The following INPP4B variants were observed in gnomAD, a reference collection of about 807,000 sequenced individuals.
The protein encoded by INPP4B is inositol polyphosphate-4-phosphatase type II B.
In INPP4B, 55 loss-of-function variants were observed where a neutral mutation model predicts 122.5. The observed-to-expected ratio is 0.45, with a 90% CI of 0.36 to 0.56. The LOEUF is 0.56. Among genes scored for constraint, INPP4B ranks in the 20% least tolerant of loss-of-function variants. The pLI, the probability that INPP4B is intolerant of heterozygous loss-of-function variation, is 0.00. For missense variants in INPP4B, 1,000 were observed against 1,097.7 expected (o/e 0.91, Z 1.26); for synonymous variants, 403 against 388.7 (o/e 1.04, Z -0.43).
chr4:142,160,741 T>C (rs999100103), intron 16 of INPP4B, among the ~76,000 whole-genome samples, 180 bp from the exon 17 acceptor site: 2 of 152,048 alleles, frequency 1.3e-5, no homozygotes, highest in African/African-American at 4.8e-5. Context: ...TCTGGGATGC[T>C]GCCAAGGCCT....
chr4:142,480,726 T>C (rs552049118), intron 2 of INPP4B, among the ~76,000 whole-genome samples: 3 of 152,112 alleles, frequency 2.0e-5, no homozygotes, highest in African/African-American at 7.2e-5. Flanking sequence ...TTTAGTAAAA[T>C]TGGCATCTAA....
chr4:142,097,405 C>T (rs966668791), intron 23 of INPP4B, among the ~76,000 whole-genome samples: 4 of 151,634 alleles, frequency 2.6e-5, no homozygotes, highest in Non-Finnish European at 4.4e-5. Flanking sequence ...GAGGTGCCTG[C>T]AACCATGCCT....
chr4:142,763,819 T>C, intron 1 of INPP4B, among the ~76,000 whole-genome samples: 1 of 152,054 alleles, frequency 6.6e-6, no homozygotes, highest in East Asian at 1.9e-4. Context: ...AAATTTTGCT[T>C]TGTAAAAATT....
intron 7 of INPP4B, among the ~76,000 whole-genome samples, chr4:142,398,201 C>T (rs1338838491): frequency 6.6e-6 from 1 of 150,722 alleles, no homozygotes; most frequent in African/African-American, 2.4e-5. Context: ...CGGTGAAACC[C>T]CGTCTCTACT....
intron 12 of INPP4B, among the ~76,000 whole-genome samples, chr4:142,214,753 G>A (rs570266697): frequency 9.9e-5 from 15 of 152,186 alleles, no homozygotes; most frequent in African/African-American, 3.1e-4. Flanking sequence ...GGGTTTCACC[G>A]TGTTAGTCAG....
At chr4:142,699,080 G>C (rs1248148876) in intron 2 of INPP4B, among the ~76,000 whole-genome samples, 1 of 152,170 alleles carries the variant, frequency 6.6e-6, no homozygotes, top group Admixed American at 6.5e-5. Flanking sequence ...GGTGGTGCAT[G>C]GGTGGGGTGG....
At chr4:142,527,320 A>C (rs984791971) in intron 2 of INPP4B, among the ~76,000 whole-genome samples, 1 of 152,078 alleles carries the variant, frequency 6.6e-6, no homozygotes, top group South Asian at 2.1e-4. Flanking sequence ...TTTTTATAGA[A>C]TTTATACAAA....
chr4:142,272,203 T>A (rs1210194984), intron 9 of INPP4B, among the ~76,000 whole-genome samples: 3 of 152,236 alleles, frequency 2.0e-5, no homozygotes, highest in East Asian at 3.9e-4. Flanking sequence ...ATTAAAAGTG[T>A]CAGAAAGCAG....
At chr4:142,828,249 G>A (rs1448160938) in intron 1 of INPP4B, among the ~76,000 whole-genome samples, 2 of 152,144 alleles carry the variant, frequency 1.3e-5, no homozygotes, top group Non-Finnish European at 2.9e-5. Flanking sequence ...CCAGGTATAT[G>A]AGAATAGATA....
chr4:142,043,864 C>T (rs1256574903), intron 25 of INPP4B, among the ~76,000 whole-genome samples: 2 of 151,960 alleles, frequency 1.3e-5, no homozygotes, highest in African/African-American at 4.8e-5. Context: ...TAGGATGGCA[C>T]CTAGCATGAA....
intron 1 of INPP4B, among the ~76,000 whole-genome samples, chr4:142,811,329 G>A (rs947455182): frequency 6.6e-6 from 1 of 152,204 alleles, no homozygotes; most frequent in Non-Finnish European, 1.5e-5. Context: ...ACAGAGGAGA[G>A]GGCCAAGTCA....
chr4:142,447,924 T>TC (rs1813260492), intron 3 of INPP4B, among the ~76,000 whole-genome samples: 1 of 151,696 alleles, frequency 6.6e-6, no homozygotes, highest in Admixed American at 6.6e-5. Flanking sequence ...AAGAAAACAT[T>TC]CCCCAAAGAA....
chr4:142,282,841 T>C (rs540376192), intron 9 of INPP4B, among the ~76,000 whole-genome samples: 36 of 152,194 alleles, frequency 2.4e-4, no homozygotes, highest in African/African-American at 7.9e-4. Flanking sequence ...GGGTGTTATG[T>C]AGAGCAGCTG....
chr4:142,791,896 C>T (rs967677380), intron 1 of INPP4B, among the ~76,000 whole-genome samples: 1 of 152,036 alleles, frequency 6.6e-6, no homozygotes, highest in Non-Finnish European at 1.5e-5. Flanking sequence ...TATTGCATTG[C>T]ACTGCTCACA....
chr4:142,376,931 T>G (rs1579891912), intron 7 of INPP4B, among the ~76,000 whole-genome samples: 1 of 152,058 alleles, frequency 6.6e-6, no homozygotes, highest in East Asian at 1.9e-4. Flanking sequence ...AATCATTTAT[T>G]TGTTCTCTAT....
In INPP4B at chr4:142,027,709, A is replaced by ATGAT. The variant is rs965832675; in HGVS notation, c.*1069_*1072dup. 2.6e-5 allele frequency: 4 copies of ATGAT among 152,706 alleles called. No homozygotes were observed. Among genetic ancestry groups the ATGAT allele is most frequent in the African/African-American group, 9.6e-5 (4 of 41,580 alleles). The allele number at this position is 152,706 out of a possible 1,614,324, so 9.5% of individuals were successfully genotyped here. Reference sequence around the variant, plus strand: ...TGTTTGAATACTGGTATTATACAAGATGATTTTTTTAAGGAAACTTCTACT... The same window carrying ATGAT: ...TGTTTGAATACTGGTATTATACAAGATGATTGATTTTTTTAAGGAAACTTCTACT... On this transcript the variant is annotated 3_prime_UTR_variant, in exon 26 of 26. Transcript: ENST00000262992.
chr4:142,707,522 C>T (rs28647363), intron 2 of INPP4B, among the ~76,000 whole-genome samples: 10,599 of 152,138 alleles, frequency 0.07, 578 homozygotes, highest in African/African-American at 0.15. Flanking sequence ...TGATAGTGAG[C>T]GAGTTCTCAT....
chr4:142,681,277 C>T (rs1179482400), intron 2 of INPP4B, among the ~76,000 whole-genome samples: 2 of 151,754 alleles, frequency 1.3e-5, no homozygotes, highest in East Asian at 3.9e-4. Context: ...AGCCATGGAT[C>T]TGAAGTCAAT....
chr4:142,744,718 CA>C (rs1228618182), intron 1 of INPP4B, among the ~76,000 whole-genome samples: 1 of 151,084 alleles, frequency 6.6e-6, no homozygotes, highest in African/African-American at 2.4e-5. Context: ...TTATTATAAA[CA>C]AAAGATCAGA....
Sources: gnomAD v4.1 joint callset for allele counts (sites outside exome capture counted in the v4.1 genomes callset) on GRCh38, gnomAD v4.1.1 for gene constraint, MANE v1.5 for transcripts, NCBI Gene and HGNC (gene_info 2026-07-23, HGNC 2026-07-21) for gene names.